Variants in CDC14A observed in about 807,000 individuals in gnomAD.
CDC14A encodes cell division cycle 14A, also known as dual specificity protein phosphatase CDC14A.
CDC14A carries 53 observed loss-of-function variants against 74.4 expected under a neutral mutation model. The ratio of observed to expected loss-of-function variants is 0.71; its 90% CI spans 0.57 to 0.89. CDC14A has a LOEUF of 0.89. Ranked by LOEUF, CDC14A falls within the 40% of genes least tolerant of loss-of-function variation. The pLI is 0.00. For missense variants in CDC14A, 646 were observed against 713.7 expected (o/e 0.91, Z 1.08); for synonymous variants, 247 against 258.4 (o/e 0.96, Z 0.43).
chr1:100,435,069 G>C (rs908899368), intron 5 of CDC14A, among the ~76,000 whole-genome samples: 3 of 152,208 alleles, frequency 2.0e-5, no homozygotes, highest in Non-Finnish European at 2.9e-5. Context: ...TGTGTCTGTG[G>C]AACTATCCGG....
intron 2 of CDC14A, among the ~76,000 whole-genome samples, chr1:100,362,416 A>T (rs1195438897): frequency 1.3e-5 from 2 of 152,236 alleles, no homozygotes; most frequent in African/African-American, 4.8e-5. Flanking sequence ...GCAGTTTTAA[A>T]TGCTGATTTT....
At position 100,352,721 on chromosome 1, in the gene CDC14A, A is replaced by T. The variant is rs112170343; in HGVS notation, c.-234A>T. 8.5e-5 allele frequency: 118 copies of T among 1,388,830 alleles called. No individual in the cohort carries two copies. The highest frequency in any genetic ancestry group is 1.0e-4 in the Non-Finnish European group (109 of 1,076,168). 86.0% of individuals were successfully genotyped at this position (1,388,830 alleles called of 1,614,324 possible). A position where few individuals can be genotyped will look rare whatever the true frequency, so the allele number is the denominator to read the frequency against. ...AGTCCAAATAGGAGCGGCCACAGCC[A>T]GGGGCGTGAGCGCCCCGCGCGGAGC... is the stretch of plus-strand genomic sequence containing the variant. On this transcript the variant is annotated 5_prime_UTR_variant, in exon 1 of 16. Coordinates refer to ENST00000336454, the MANE Select transcript of CDC14A (RefSeq NM_003672.4).
chr1:100,391,524 C>G (rs1657693781), intron 4 of CDC14A, among the ~76,000 whole-genome samples: 1 of 152,192 alleles, frequency 6.6e-6, no homozygotes, highest in African/African-American at 2.4e-5. Flanking sequence ...CTAAAACATA[C>G]TTGCAGGGAT....
At chr1:100,466,890 A>AAAG (rs1553190651) in intron 9 of CDC14A, among the ~76,000 whole-genome samples, 6,710 of 149,066 alleles carry the variant, frequency 0.045, 540 homozygotes, top group African/African-American at 0.16. Context: ...AAAAAAAAAA[A>AAAG]GAAGGGTTAA....
chr1:100,413,307 G>T (rs538189913), intron 4 of CDC14A, among the ~76,000 whole-genome samples: 1 of 152,142 alleles, frequency 6.6e-6, no homozygotes, highest in Non-Finnish European at 1.5e-5. Flanking sequence ...CTATTCTTCA[G>T]TGAGTTCAAA....
intron 9 of CDC14A, among the ~76,000 whole-genome samples, chr1:100,467,434 AT>A (rs11284569): frequency 0.95 from 144,006 of 152,000 alleles, 68,555 homozygotes; most frequent in Non-Finnish European, 1. Flanking sequence ...TATGCACACA[AT>A]TTTTTTTTCT....
chr1:100,403,453 A>G lies in CDC14A; in HGVS notation c.309+12629A>G, dbSNP rs17122414. On this transcript the variant is annotated intron_variant, in intron 4 of 15. Transcript: ENST00000336454. ...TGTTCTTAGGGCATTGATTTTTGGC[A>G]TTGAATGAGCAGGTGATTGTTTGAT... Among the ~76,000 whole-genome samples the G allele has an allele frequency of 5.7e-3, 865 of 152,316 alleles. 15 individuals carry two copies. Among genetic ancestry groups the G allele is most frequent in the African/African-American group, 0.02 (833 of 41,564 alleles).
At chr1:100,375,700 G>T (rs560881095) in intron 2 of CDC14A, among the ~76,000 whole-genome samples, 4 of 152,172 alleles carry the variant, frequency 2.6e-5, no homozygotes, top group Non-Finnish European at 4.4e-5. Context: ...ACTGTTGGTA[G>T]GACTGTAAAC....
chr1:100,498,724 A>G (rs1169656761), intron 14 of CDC14A, among the ~76,000 whole-genome samples: 1 of 152,230 alleles, frequency 6.6e-6, no homozygotes, highest in Non-Finnish European at 1.5e-5. Flanking sequence ...CTTTTGACAA[A>G]GCAACTTGAT....
chr1:100,405,624 G>T (rs887897755), intron 4 of CDC14A, among the ~76,000 whole-genome samples: 1 of 152,202 alleles, frequency 6.6e-6, no homozygotes, highest in Non-Finnish European at 1.5e-5. Context: ...GTGAGAACAT[G>T]CAGTGTTTGG....
At chr1:100,393,517 C>G in intron 4 of CDC14A, 2 of 762,640 alleles carry the variant, frequency 2.6e-6, no homozygotes, top group Non-Finnish European at 4.9e-6. Context: ...CTCATCATGT[C>G]AGTTTCAAAA....
upstream of CDC14A, among the ~76,000 whole-genome samples, chr1:100,349,779 C>T (rs937894008): frequency 1.3e-5 from 2 of 152,088 alleles, no homozygotes; most frequent in Non-Finnish European, 2.9e-5. Flanking sequence ...TCTCCCGCCT[C>T]GGCCTCATGA....
chr1:100,410,012 G>T (rs1368573608), intron 4 of CDC14A, among the ~76,000 whole-genome samples: 1 of 152,046 alleles, frequency 6.6e-6, no homozygotes, highest in Non-Finnish European at 1.5e-5. Context: ...TTTTTAGCCT[G>T]GGACCTGGGA....
intron 15 of CDC14A, among the ~76,000 whole-genome samples, chr1:100,505,399 A>G (rs956407913): frequency 6.6e-6 from 1 of 152,216 alleles, no homozygotes; most frequent in Non-Finnish European, 1.5e-5. Flanking sequence ...TCTGTGTTCT[A>G]ACATCAGGCA....
intron 4 of CDC14A, among the ~76,000 whole-genome samples, chr1:100,396,731 T>C (rs892948197): frequency 2.0e-4 from 31 of 152,260 alleles, no homozygotes; most frequent in African/African-American, 7.0e-4. Flanking sequence ...TTTTAAAATG[T>C]ACAGCTCAGT....
chr1:100,517,542 C>T (rs757231156), intron 15 of CDC14A, among the ~76,000 whole-genome samples: 3 of 152,110 alleles, frequency 2.0e-5, no homozygotes, highest in Non-Finnish European at 4.4e-5. Flanking sequence ...TGGTTTATGT[C>T]TGTTGTCCCA....
chr1:100,475,482 C>G (rs988420138), intron 10 of CDC14A, among the ~76,000 whole-genome samples: 4 of 152,176 alleles, frequency 2.6e-5, no homozygotes, highest in Non-Finnish European at 2.9e-5. Flanking sequence ...TGTTGAGACT[C>G]TGGATCTTAC....
chr1:100,470,830 A>G (rs920354877), intron 10 of CDC14A, among the ~76,000 whole-genome samples: 1 of 152,060 alleles, frequency 6.6e-6, no homozygotes, highest in African/African-American at 2.4e-5. Context: ...AGCAACTGGA[A>G]CTCTCATGTG....
chr1:100,499,879 C>G (rs1367313393), intron 15 of CDC14A, among the ~76,000 whole-genome samples: 3 of 151,998 alleles, frequency 2.0e-5, no homozygotes, highest in Non-Finnish European at 4.4e-5. Flanking sequence ...ACCTGGGATG[C>G]AAGGTGGGGA....
Sources: gnomAD v4.1 joint callset for allele counts (sites outside exome capture counted in the v4.1 genomes callset) on GRCh38, gnomAD v4.1.1 for gene constraint, MANE v1.5 for transcripts, NCBI Gene and HGNC (gene_info 2026-07-23, HGNC 2026-07-21) for gene names.